The following XPO6 variants were observed in gnomAD, a reference collection of about 807,000 sequenced individuals.
The protein encoded by XPO6 is exportin-6.
Under a neutral mutation model 130.0 loss-of-function variants are expected in XPO6, and 3 were observed. The observed-to-expected ratio is 0.02, with a 90% CI of 0.01 to 0.06. The LOEUF is 0.06. Among genes scored for constraint, XPO6 ranks in the 10% least tolerant of loss-of-function variants. The probability of loss-of-function intolerance (pLI) is 1.00; values close to 1 mark genes in which losing one functional copy is unlikely to be tolerated. For synonymous variants in XPO6, 524 were observed against 548.9 expected (o/e 0.95, Z 0.63); for missense variants, 970 against 1,393.0 (o/e 0.70, Z 4.83).
rs901873424 is a variant in XPO6 at position 28,132,155 on chromosome 16, C to T, written c.1606+179G>A. On this transcript the variant is annotated intron_variant, in intron 12 of 23. Transcript: ENST00000304658. The surrounding 1 kb of genome is among the most constrained non-coding windows in gnomAD (Gnocchi z 4.0). ...CTGTCATGACCTCATCTTTTACCTC[C>T]CCCACAGCTTTTCATCATAAGCCTT... Among the ~76,000 whole-genome samples the T allele has an allele frequency of 6.6e-5, 10 of 152,232 alleles. No homozygotes were observed. Among genetic ancestry groups the T allele is most frequent in the Non-Finnish European group, 1.5e-4 (10 of 68,040 alleles).
chr16:28,177,906 A>T (rs1596938857), intron 2 of XPO6, among the ~76,000 whole-genome samples: 2 of 152,122 alleles, frequency 1.3e-5, no homozygotes, highest in African/African-American at 4.8e-5. Context: ...AAAAAAGTGA[A>T]TCGACCGGTG....
intron 17 of XPO6, 86 bp from the exon 18 acceptor site, chr16:28,107,763 G>A: frequency 6.8e-7 from 1 of 1,467,384 alleles, no homozygotes; most frequent in Non-Finnish European, 9.4e-7. Flanking sequence ...GAGGAAACTT[G>A]CAAAGGTACC....
At position 28,113,070 on chromosome 16, in the gene XPO6, C is replaced by T. The variant is rs376188221; in HGVS notation, c.2005-20G>A. 3.1e-6 allele frequency: 5 copies of T among 1,609,730 alleles called. No individual in the cohort carries two copies. The highest frequency in any genetic ancestry group is 1.3e-5 in the African/African-American group (1 of 74,884). ...TTGGACCTGCAGAGGGAAGAGGGCA[C>T]GTCAGCTCACCACATCCCTGTAAGA... On this transcript the variant is annotated intron_variant, in intron 15 of 23. Transcript: ENST00000304658.
chr16:28,199,345 G>C (rs879281266), intron 1 of XPO6, among the ~76,000 whole-genome samples: 9 of 151,912 alleles, frequency 5.9e-5, no homozygotes, highest in Non-Finnish European at 1.2e-4. Flanking sequence ...AAAGCACTTG[G>C]CTCACTACAA....
intron 10 of XPO6, among the ~76,000 whole-genome samples, chr16:28,134,686 TA>T (rs202092107): frequency 2.6e-5 from 4 of 151,582 alleles, no homozygotes; most frequent in Admixed American, 2.6e-4. Flanking sequence ...CCTAATGGTT[TA>T]AAAAAAAACA....
At chr16:28,182,486 G>A (rs562621956) in intron 1 of XPO6, among the ~76,000 whole-genome samples, 1 of 152,256 alleles carries the variant, frequency 6.6e-6, no homozygotes, top group South Asian at 2.1e-4. Context: ...CCTGAACTGC[G>A]ACACACTGAA....
At chr16:28,202,774 C>G (rs2043972605) in intron 1 of XPO6, among the ~76,000 whole-genome samples, 1 of 152,158 alleles carries the variant, frequency 6.6e-6, no homozygotes, top group Non-Finnish European at 1.5e-5. Flanking sequence ...GTACACGGGT[C>G]ATAGCTGAAG....
chr16:28,207,261 G>A lies in XPO6; in HGVS notation c.3+4105C>T, dbSNP rs1395761588. On this transcript the variant is annotated intron_variant, in intron 1 of 23. Coordinates refer to ENST00000304658, the MANE Select transcript of XPO6 (RefSeq NM_015171.4). Reference sequence around the variant, plus strand: ...AGATGCCATCTCAAAAAAAAAAAAGGAAAGAAAGAAAGAAAGAAAACAAAC... The same window carrying A: ...AGATGCCATCTCAAAAAAAAAAAAGAAAAGAAAGAAAGAAAGAAAACAAAC... Among the ~76,000 whole-genome samples, 22 of 134,564 alleles carry A rather than the reference G, an allele frequency of 1.6e-4. 1 individual carries two copies. The highest frequency in any genetic ancestry group is 1.1e-3 in the Admixed American group (13 of 11,462). 88.3% of individuals were successfully genotyped at this position (134,564 alleles called of 152,430 possible).
chr16:28,098,562 C>G lies in XPO6; in HGVS notation c.3354G>C (p.Leu1118=), dbSNP rs1432220304. 1 of 1,612,342 alleles carries G rather than the reference C, an allele frequency of 6.2e-7. No individual in the cohort carries two copies. Among genetic ancestry groups the G allele is most frequent in the Non-Finnish European group, 8.5e-7 (1 of 1,179,038 alleles). Reference sequence around the variant, plus strand: ...CCTAGAGCTTCACAGTGCCAGGGGGCAGGCTGTCGTTGCAGAGTCTGTAGT... The same window carrying G: ...CCTAGAGCTTCACAGTGCCAGGGGGGAGGCTGTCGTTGCAGAGTCTGTAGT... The part of the protein sequence containing the change: ...LRYYRLCNDS[L]PPGTVKL Residue 1118 remains leucine, a synonymous_variant, in exon 24 of 24, where the codon CTG becomes CTC. Coordinates refer to ENST00000304658, the MANE Select transcript of XPO6 (RefSeq NM_015171.4).
chr16:28,131,299 C>T (rs1028090407), intron 12 of XPO6, among the ~76,000 whole-genome samples: 1 of 152,110 alleles, frequency 6.6e-6, no homozygotes, highest in Admixed American at 6.5e-5. Flanking sequence ...AGGACAGCCT[C>T]GGAAAAAGGC....
chr16:28,175,576 C>T (rs560663683), intron 4 of XPO6, among the ~76,000 whole-genome samples: 1 of 152,094 alleles, frequency 6.6e-6, no homozygotes, highest in African/African-American at 2.4e-5. Flanking sequence ...CAGCTATTTC[C>T]CCCACTAAAC....
rs952949770 is a variant in XPO6 at position 28,106,779 on chromosome 16, T to C, written c.2498-282A>G. ...CTCATTGCCCGACATCCAGTGATGG[T>C]CAGAGTTTCACTGGAGAGGGATCAC... On this transcript the variant is annotated intron_variant, in intron 18 of 23. Transcript: ENST00000304658. The surrounding 1 kb of genome is among the most constrained non-coding windows in gnomAD (Gnocchi z 4.2). 6.6e-6 allele frequency among the ~76,000 whole-genome samples: 1 copy of C among 152,172 alleles called. No homozygotes were observed. Among genetic ancestry groups the C allele is most frequent in the Admixed American group, 6.5e-5 (1 of 15,278 alleles).
At chr16:28,166,419 CA>C (rs1954390687) in intron 6 of XPO6, 88 bp downstream of exon 6, 1 of 1,412,494 alleles carries the variant, frequency 7.1e-7, no homozygotes, top group African/African-American at 1.4e-5. Flanking sequence ...TCAGCCTCCT[CA>C]GTACTGAGGA....
intron 8 of XPO6, among the ~76,000 whole-genome samples, chr16:28,151,458 G>A (rs1177275170): frequency 6.6e-6 from 1 of 152,118 alleles, no homozygotes; most frequent in Admixed American, 6.5e-5. Context: ...TAAAAACACA[G>A]ATAAAACATA....
chr16:28,181,200 C>T (rs2043609056), intron 1 of XPO6, 169 bp from the exon 2 acceptor site: 1 of 506,696 alleles, frequency 2.0e-6, no homozygotes, highest in Non-Finnish European at 3.4e-6. Context: ...GGGAATTTCC[C>T]AGCTGGCTCA....
At chr16:28,185,879 C>T (rs1370959751) in intron 1 of XPO6, among the ~76,000 whole-genome samples, 1 of 152,206 alleles carries the variant, frequency 6.6e-6, no homozygotes, top group East Asian at 1.9e-4. Flanking sequence ...TCTTGGAGAG[C>T]TCTGCATAGA....
At chr16:28,104,386 C>A (rs2086725942) in intron 21 of XPO6, among the ~76,000 whole-genome samples, 160 bp downstream of exon 21, 1 of 152,186 alleles carries the variant, frequency 6.6e-6, no homozygotes, top group Non-Finnish European at 1.5e-5. Flanking sequence ...CTCCACTTTG[C>A]AGATGAAGAA....
At chr16:28,139,322 T>C (rs1306977817) in intron 9 of XPO6, among the ~76,000 whole-genome samples, 2 of 152,232 alleles carry the variant, frequency 1.3e-5, no homozygotes, top group South Asian at 2.1e-4. Flanking sequence ...TGCCAGCATC[T>C]TGAAGTGGAA....
At chr16:28,105,696 A>G (rs981688299) in intron 20 of XPO6, 2 of 197,472 alleles carry the variant, frequency 1.0e-5, no homozygotes, top group Non-Finnish European at 2.1e-5. Flanking sequence ...CTTGCCTTGT[A>G]TCCTCGAGAC....
Sources: allele counts gnomAD v4.1 joint callset (sites outside exome capture counted in the v4.1 genomes callset), GRCh38; gene constraint gnomAD v4.1.1; non-coding constraint Gnocchi (gnomAD v3.1); transcripts MANE v1.5; gene names NCBI Gene and HGNC (gene_info 2026-07-23, HGNC 2026-07-21).